Variants in SP1 observed in about 807,000 individuals in gnomAD.
SP1 encodes the protein transcription factor Sp1.
Under a neutral mutation model 66.3 loss-of-function variants are expected in SP1, and 6 were observed. The ratio of observed to expected loss-of-function variants is 0.09; its 90% CI spans 0.05 to 0.18. The LOEUF (loss-of-function observed/expected upper bound fraction) is 0.18, where lower values mean the gene tolerates loss of function less well. Ranked by LOEUF, SP1 falls within the 10% of genes least tolerant of loss-of-function variation. The probability of loss-of-function intolerance (pLI) is 1.00; values close to 1 mark genes in which losing one functional copy is unlikely to be tolerated. For missense variants in SP1, 848 were observed against 964.5 expected (o/e 0.88, Z 1.60); for synonymous variants, 417 against 360.8 (o/e 1.16, Z -1.77).
chr12:53,408,052 G>A (rs749596716), intron 4 of SP1, among the ~76,000 whole-genome samples: 2 of 143,912 alleles, frequency 1.4e-5, no homozygotes, highest in African/African-American at 2.5e-5. Context: ...TACAAGACCA[G>A]CCTGGCCAAC....
intron 3 of SP1, among the ~76,000 whole-genome samples, chr12:53,391,816 G>A (rs1938360101): frequency 6.6e-6 from 1 of 150,976 alleles, no homozygotes; most frequent in South Asian, 2.1e-4. Flanking sequence ...AATACTCAAT[G>A]TTTAGCTCCC....
chr12:53,391,336 T>A (rs1240262050), intron 3 of SP1, among the ~76,000 whole-genome samples: 2 of 149,952 alleles, frequency 1.3e-5, no homozygotes, highest in Non-Finnish European at 3.0e-5. Flanking sequence ...TTTTTTTTTT[T>A]AAGTAATGTC....
chr12:53,384,265 G>A (rs1177813014), intron 3 of SP1, among the ~76,000 whole-genome samples: 8 of 146,434 alleles, frequency 5.5e-5, no homozygotes, highest in African/African-American at 1.0e-4. Context: ...CACCGCGCCC[G>A]GCTTTCTTTT....
chr12:53,385,927 A>AG, intron 3 of SP1, among the ~76,000 whole-genome samples: 1 of 152,208 alleles, frequency 6.6e-6, no homozygotes, highest in East Asian at 1.9e-4. Context: ...AAAAAAAAAA[A>AG]ATTGATTATG....
Position 53,411,023 on chromosome 12 carries a change from G to A in SP1, c.2141G>A (p.Gly714Asp), listed in dbSNP as rs753615258. The A allele has an allele frequency of 6.2e-7, 1 of 1,614,062 alleles. No homozygotes were observed. The highest frequency in any genetic ancestry group is 1.3e-5 in the African/African-American group (1 of 74,920). Residue 714 changes from glycine (G) to aspartate (D), a missense_variant, in exon 6 of 6, where the codon GGC becomes GAC. Physicochemically the swap from Gly to Asp is moderately conservative, Grantham distance 94 (BLOSUM62 -1). Transcript: ENST00000327443. ...AAGACCCACCAGAATAAGAAGGGAGGCCCAGGTGTAGCTCTGAGTGTGGGC... is the reference window on the plus strand; with the variant it reads ...AAGACCCACCAGAATAAGAAGGGAGACCCAGGTGTAGCTCTGAGTGTGGGC... ...HIKTHQNKKGGPGVALSVGTL... is the reference protein window; with the variant it reads ...HIKTHQNKKGDPGVALSVGTL...
At position 53,381,661 on chromosome 12, in the gene SP1, C is replaced by G; in HGVS notation, c.10C>G (p.Gln4Glu). Residue 4 changes from glutamine to glutamate, a missense_variant and splice_region_variant, in exon 2 of 6, where the codon CAA becomes GAA. Coordinates refer to ENST00000327443, the MANE Select transcript of SP1 (RefSeq NM_138473.3). ...TGTTTGTTTTTTAATTATTTTAGACCAAGATCACTCCATGGATGAAATGAC... is the reference window on the plus strand; with the variant it reads ...TGTTTGTTTTTTAATTATTTTAGACGAAGATCACTCCATGGATGAAATGAC... MSDQDHSMDEMTAV... is the reference protein window; with the variant it reads MSDEDHSMDEMTAV... 6.2e-7 allele frequency: 1 copy of G among 1,602,632 alleles called. No homozygotes were observed. Among genetic ancestry groups the G allele is most frequent in the East Asian group, 2.2e-5 (1 of 44,596 alleles).
chr12:53,385,466 G>A (rs1423900944), intron 3 of SP1, among the ~76,000 whole-genome samples: 1 of 151,054 alleles, frequency 6.6e-6, no homozygotes, highest in South Asian at 2.1e-4. Context: ...ATGGTGGCGC[G>A]CACCTGTAGT....
chr12:53,406,723 C>T lies in SP1; in HGVS notation c.1814C>T (p.Thr605Ile), dbSNP rs745826757. ...AGRRTRREAC[T>I]CPYCKDSEGR... ...CGGAGGACCCGGCGGGAAGCATGCA[C>T]CTGCCCCTACTGTAAAGACAGTGAA... is the stretch of plus-strand genomic sequence containing the variant. Residue 605 changes from threonine to isoleucine, a missense_variant, in exon 4 of 6, where the codon ACC becomes ATC. This residue lies in a region of SP1 where 26 missense variants were observed against 49.2 expected (regional missense o/e 0.53). Coordinates refer to ENST00000327443, the MANE Select transcript of SP1 (RefSeq NM_138473.3). 2 of 1,613,970 alleles carry T rather than the reference C, an allele frequency of 1.2e-6. No individual in the cohort carries two copies. Among genetic ancestry groups the T allele is most frequent in the Admixed American group, 1.7e-5 (1 of 59,992 alleles).
rs1293700329 is a variant in SP1 at position 53,383,282 on chromosome 12, C to T, written c.1335C>T (p.Asn445=). 5.6e-6 allele frequency: 9 copies of T among 1,614,242 alleles called. No individual in the cohort carries two copies. In the East Asian group the frequency reaches 1.6e-4, roughly 28 times the overall value. The stretch of plus-strand genomic sequence containing the variant: ...ACCTCCAGCTTCAGGCTGTTCCAAA[C>T]TCTGGTCCCATCATCATCCGGACAC... The part of the protein sequence containing the change: ...LQNLQLQAVP[N]SGPIIIRTPT... The change falls in exon 3 of 6, where the codon AAC becomes AAT. Residue 445 remains asparagine, a synonymous_variant. Transcript: ENST00000327443.
intron 3 of SP1, among the ~76,000 whole-genome samples, chr12:53,396,865 G>A (rs891052733): frequency 6.6e-6 from 1 of 152,070 alleles, no homozygotes; most frequent in Admixed American, 6.6e-5. Flanking sequence ...TCGGGCTCAA[G>A]TGATCCTCCA....
chr12:53,382,183 A>G lies in SP1; in HGVS notation c.236A>G (p.Asn79Ser), dbSNP rs1938115602. The change falls in exon 3 of 6, where the codon AAC becomes AGC. Residue 79 changes from asparagine (N) to serine (S), a missense_variant. Physicochemically the swap from Asn to Ser is conservative, Grantham distance 46. Transcript: ENST00000327443. ...ATTGAGTCACCCAATGAGAACAGCA[A>G]CAACTCCCAGGGCCCGAGTCAGTCA... ...SRIESPNENS[N>S]NSQGPSQSGG... is the part of the protein sequence containing the mutation. The G allele has an allele frequency of 1.9e-6, 3 of 1,614,180 alleles. No individual in the cohort carries two copies. Among genetic ancestry groups the G allele is most frequent in the Non-Finnish European group, 1.7e-6 (2 of 1,180,028 alleles).
chr12:53,384,259 G>A (rs1175022563), intron 3 of SP1, among the ~76,000 whole-genome samples: 4 of 150,926 alleles, frequency 2.7e-5, no homozygotes, highest in Non-Finnish European at 4.4e-5. Flanking sequence ...GTGAGCCACC[G>A]CGCCCGGCTT....
intron 3 of SP1, among the ~76,000 whole-genome samples, chr12:53,385,918 A>G (rs1938217971): frequency 6.6e-6 from 1 of 152,088 alleles, no homozygotes; most frequent in Non-Finnish European, 1.5e-5. Flanking sequence ...GTCTCAAAAA[A>G]AAAAAAAAAA....
intron 3 of SP1, among the ~76,000 whole-genome samples, chr12:53,392,893 C>G (rs537730332): frequency 1.2e-4 from 19 of 152,070 alleles, no homozygotes; most frequent in African/African-American, 4.6e-4. Flanking sequence ...GGCAGTATCT[C>G]AGCTCACTGC....
At chr12:53,408,623 T>C (rs945490760) in intron 4 of SP1, among the ~76,000 whole-genome samples, 11 of 149,350 alleles carry the variant, frequency 7.4e-5, no homozygotes, top group African/African-American at 2.2e-4. Context: ...AAAAGAAGGC[T>C]TGGCCGGGTG....
Position 53,415,360 on chromosome 12 carries a change from C to T in SP1, c.*4120C>T, listed in dbSNP as rs1039809944. On this transcript the variant is annotated 3_prime_UTR_variant, in exon 6 of 6. Transcript: ENST00000327443. Reference sequence around the variant, plus strand: ...CATTAAGCAGCCTTAAGCTTAAATTCCTACTCCCTCTTCCAAATTTGGCTC... The same window carrying T: ...CATTAAGCAGCCTTAAGCTTAAATTTCTACTCCCTCTTCCAAATTTGGCTC... 2.6e-5 allele frequency: 4 copies of T among 152,362 alleles called. No individual in the cohort carries two copies. The highest frequency in any genetic ancestry group is 5.9e-5 in the Non-Finnish European group (4 of 68,018). 9.4% of individuals were successfully genotyped at this position (152,362 alleles called of 1,614,324 possible).
At chr12:53,380,946 CTTTTTTTTTTT>C in intron 1 of SP1, among the ~76,000 whole-genome samples, 1 of 100,800 alleles carries the variant, frequency 9.9e-6, no homozygotes, top group Non-Finnish European at 1.9e-5. Flanking sequence ...TTTTGTTTGT[CTTTTTTTTTTT>C]TTTTTTTTTT....
At position 53,412,930 on chromosome 12, in the gene SP1, C is replaced by CTGTG. The variant is rs57242856; in HGVS notation, c.*1724_*1727dup. 9.5e-3 allele frequency: 1,397 copies of CTGTG among 147,446 alleles called. 16 individuals carry two copies. Among genetic ancestry groups the CTGTG allele is most frequent in the African/African-American group, 0.02 (786 of 40,034 alleles). 9.1% of individuals were successfully genotyped at this position (147,446 alleles called of 1,614,324 possible). Reference sequence around the variant, plus strand: ...TGTGAGGAAGTGTGGAAAAATAGCTCTGTGTGTGTGTGTGTGTGTGTGTGT... The same window carrying CTGTG: ...TGTGAGGAAGTGTGGAAAAATAGCTCTGTGTGTGTGTGTGTGTGTGTGTGTGTGT... On this transcript the variant is annotated 3_prime_UTR_variant, in exon 6 of 6. Transcript: ENST00000327443.
chr12:53,399,351 T>TG (rs1419270020), intron 3 of SP1, among the ~76,000 whole-genome samples: 1 of 151,158 alleles, frequency 6.6e-6, no homozygotes, highest in Non-Finnish European at 1.5e-5. Context: ...TGTTTTTTTT[T>TG]GAGACGGAAT....
Sources: allele counts gnomAD v4.1 joint callset (sites outside exome capture counted in the v4.1 genomes callset), GRCh38; gene constraint gnomAD v4.1.1; regional missense constraint gnomAD v4.1.1; transcripts MANE v1.5; gene names NCBI Gene and HGNC (gene_info 2026-07-23, HGNC 2026-07-21).